NLGN1: variants seen among roughly 807,000 people sequenced by gnomAD.
The protein encoded by NLGN1 is neuroligin-1.
A neutral mutation model predicts 65.5 loss-of-function variants in NLGN1; 12 were observed. That is an observed-to-expected ratio of 0.18 (90% CI 0.12 to 0.30). The LOEUF (loss-of-function observed/expected upper bound fraction) is 0.30. Ranked by LOEUF, NLGN1 falls within the 10% of genes least tolerant of loss-of-function variation. NLGN1 has a pLI of 1.00. For synonymous variants in NLGN1, 350 were observed against 359.5 expected (o/e 0.97, Z 0.30); for missense variants, 750 against 1,007.1 (o/e 0.74, Z 3.46).
chr3:173,971,873 C>G (rs1258063287), intron 4 of NLGN1, among the ~76,000 whole-genome samples: 1 of 152,022 alleles, frequency 6.6e-6, no homozygotes, highest in African/African-American at 2.4e-5. Context: ...TACAGTCATT[C>G]TGACTCTGGC....
At chr3:173,546,299 C>T (rs1203232791) in intron 2 of NLGN1, among the ~76,000 whole-genome samples, 1 of 152,056 alleles carries the variant, frequency 6.6e-6, no homozygotes, top group East Asian at 1.9e-4. Context: ...TTTTCTGAAT[C>T]AGCACTAATT....
intron 3 of NLGN1, among the ~76,000 whole-genome samples, chr3:173,607,686 C>T (rs147404441): frequency 6.6e-6 from 1 of 151,292 alleles, no homozygotes; most frequent in East Asian, 1.9e-4. Flanking sequence ...TTATTAGTCC[C>T]TTTATATCTG....
At chr3:174,221,671 AAAC>A (rs1309008590) in intron 4 of NLGN1, among the ~76,000 whole-genome samples, 9 of 151,694 alleles carry the variant, frequency 5.9e-5, no homozygotes, top group Admixed American at 2.6e-4. Flanking sequence ...TGGGTTGCTT[AAAC>A]AAGAGAAATT....
chr3:173,919,884 T>A (rs1466886379), intron 4 of NLGN1, among the ~76,000 whole-genome samples: 2 of 152,266 alleles, frequency 1.3e-5, no homozygotes, highest in East Asian at 3.9e-4. Flanking sequence ...CTAAAAGTTT[T>A]ATAAATCTTA....
chr3:173,727,131 G>A (rs765728588), intron 3 of NLGN1, among the ~76,000 whole-genome samples: 13 of 152,244 alleles, frequency 8.5e-5, no homozygotes, highest in Non-Finnish European at 1.3e-4. Context: ...TCTATCAACA[G>A]AAGTTTCATA....
intron 2 of NLGN1, among the ~76,000 whole-genome samples, chr3:173,452,771 C>T (rs1299894970): frequency 7.2e-5 from 11 of 152,122 alleles, no homozygotes; most frequent in Non-Finnish European, 1.3e-4. Context: ...TTCAGGGATA[C>T]CTCAGAAATA....
At chr3:174,020,149 A>G (rs1727456313) in intron 4 of NLGN1, among the ~76,000 whole-genome samples, 3 of 152,260 alleles carry the variant, frequency 2.0e-5, no homozygotes, top group East Asian at 1.9e-4. Context: ...TGAACCTTTC[A>G]TTTACCCAAA....
At chr3:174,009,511 A>G (rs563456606) in intron 4 of NLGN1, among the ~76,000 whole-genome samples, 5 of 152,302 alleles carry the variant, frequency 3.3e-5, no homozygotes, top group African/African-American at 1.2e-4. Context: ...AAAAAGGCTT[A>G]GAGAGACTAC....
chr3:173,486,995 T>C (rs1728275743), intron 2 of NLGN1, among the ~76,000 whole-genome samples: 1 of 151,906 alleles, frequency 6.6e-6, no homozygotes, highest in South Asian at 2.1e-4. Context: ...TTATCATCTT[T>C]ATTGTAACTA....
intron 3 of NLGN1, among the ~76,000 whole-genome samples, chr3:173,673,899 G>A (rs1427625399): frequency 1.3e-5 from 2 of 152,116 alleles, no homozygotes; most frequent in Admixed American, 6.6e-5. Flanking sequence ...GGGGCTCAAA[G>A]GCTCCATTAC....
upstream of NLGN1, chr3:173,397,648 C>G (rs1577265586): frequency 6.5e-6 from 1 of 152,992 alleles, no homozygotes; most frequent in South Asian, 2.1e-4. Flanking sequence ...CCGCGGCTCC[C>G]CACTTGCCCC....
chr3:174,174,070 T>C (rs1480898835), intron 4 of NLGN1, among the ~76,000 whole-genome samples: 2 of 152,102 alleles, frequency 1.3e-5, no homozygotes, highest in Non-Finnish European at 2.9e-5. Flanking sequence ...AGTGAGAACA[T>C]ATGATGTTTG....
intron 4 of NLGN1, among the ~76,000 whole-genome samples, chr3:174,036,997 T>A (rs1731283470): frequency 6.6e-6 from 1 of 152,186 alleles, no homozygotes; most frequent in Non-Finnish European, 1.5e-5. Flanking sequence ...TCATCCAGTC[T>A]ACCGCTTATG....
intron 4 of NLGN1, among the ~76,000 whole-genome samples, chr3:173,839,825 C>T (rs564072331): frequency 9.9e-5 from 15 of 152,194 alleles, no homozygotes; most frequent in Admixed American, 2.0e-4. Flanking sequence ...GTAGGAAATT[C>T]AAATCATCTG....
At chr3:173,490,010 A>G (rs949813182) in intron 2 of NLGN1, among the ~76,000 whole-genome samples, 2 of 152,204 alleles carry the variant, frequency 1.3e-5, no homozygotes, top group East Asian at 1.9e-4. Flanking sequence ...AGTAGGTTGC[A>G]AACATTTTCT....
intron 4 of NLGN1, among the ~76,000 whole-genome samples, chr3:174,043,131 G>A (rs182450300): frequency 2.0e-5 from 3 of 152,190 alleles, no homozygotes; most frequent in East Asian, 3.9e-4. Context: ...ACAGTATAAG[G>A]GAAGCTTTTC....
intron 4 of NLGN1, among the ~76,000 whole-genome samples, chr3:174,016,725 T>G (rs1408149149): frequency 6.6e-6 from 1 of 152,190 alleles, no homozygotes; most frequent in Non-Finnish European, 1.5e-5. Context: ...TTCTCTATTT[T>G]TGTATTAAAA....
At chr3:173,646,768 AATAG>A (rs1048035453) in intron 3 of NLGN1, among the ~76,000 whole-genome samples, 2 of 152,198 alleles carry the variant, frequency 1.3e-5, no homozygotes, top group South Asian at 2.1e-4. Context: ...TAGGCAGAAA[AATAG>A]ATAAAGGGGA....
chr3:173,512,200 G>A (rs1301265534), intron 2 of NLGN1, among the ~76,000 whole-genome samples: 1 of 152,238 alleles, frequency 6.6e-6, no homozygotes, highest in Non-Finnish European at 1.5e-5. Context: ...GTAGCATGGG[G>A]CAGCTGCCTT....
Sources: allele counts gnomAD v4.1 joint callset (sites outside exome capture counted in the v4.1 genomes callset), GRCh38; gene constraint gnomAD v4.1.1; transcripts MANE v1.5; gene names NCBI Gene and HGNC (gene_info 2026-07-23, HGNC 2026-07-21).